The following WWC1 variants were observed in gnomAD, a reference collection of about 807,000 sequenced individuals.
The protein encoded by WWC1 is WW and C2 domain containing 1.
Under a neutral mutation model 138.4 loss-of-function variants are expected in WWC1, and 55 were observed. The ratio of observed to expected loss-of-function variants is 0.40; its 90% confidence interval spans 0.32 to 0.50. WWC1 has a LOEUF of 0.50. Among genes scored for constraint, WWC1 ranks in the 20% least tolerant of loss-of-function variants. The probability of loss-of-function intolerance (pLI) is 0.72; values close to 1 mark genes in which losing one functional copy is unlikely to be tolerated. For missense variants in WWC1, 1,226 were observed against 1,420.4 expected, an observed-to-expected ratio of 0.86 and a Z score of 2.20; for synonymous variants, 524 against 564.9, an observed-to-expected ratio of 0.93 and a Z score of 1.03.
At chr5:168,368,200 C>G (rs1281493762) in intron 1 of WWC1, among the ~76,000 whole-genome samples, 1 of 151,506 alleles carries the variant, frequency 6.6e-6, no homozygotes, top group East Asian at 1.9e-4. Flanking sequence ...AAGTGCTTCT[C>G]CTGCCTCTGC....
At chr5:168,375,565 T>G (rs1777104990) in intron 2 of WWC1, among the ~76,000 whole-genome samples, 1 of 152,048 alleles carries the variant, frequency 6.6e-6, no homozygotes, top group Non-Finnish European at 1.5e-5. Context: ...TTTTTTTTTG[T>G]TTTTTTCTTT....
chr5:168,316,058 C>G (rs935398113), intron 1 of WWC1, among the ~76,000 whole-genome samples: 1 of 152,160 alleles, frequency 6.6e-6, no homozygotes, highest in Non-Finnish European at 1.5e-5. Flanking sequence ...AATGCTCAGG[C>G]CTCCCCCCTC....
chr5:168,418,847 GT>G (rs1312260264), intron 9 of WWC1, among the ~76,000 whole-genome samples: 3 of 149,222 alleles, frequency 2.0e-5, no homozygotes, highest in African/African-American at 7.5e-5. Flanking sequence ...TGTTCATTGT[GT>G]TGAAAGTCAA....
intron 9 of WWC1, among the ~76,000 whole-genome samples, chr5:168,420,161 T>C (rs1405864810): frequency 2.0e-5 from 3 of 152,186 alleles, no homozygotes; most frequent in Non-Finnish European, 2.9e-5. Flanking sequence ...GTGAGTCTAC[T>C]AGGGCTGCCA....
intron 3 of WWC1, among the ~76,000 whole-genome samples, chr5:168,394,121 G>A (rs1173326618): frequency 6.6e-6 from 1 of 152,132 alleles, no homozygotes; most frequent in Non-Finnish European, 1.5e-5. Flanking sequence ...GGGAAGGGAA[G>A]GAAGGGAGGC....
rs1284250274 is a variant in WWC1 at position 168,423,835 on chromosome 5, G to A, written c.1577G>A (p.Gly526Asp). ...CTGCAGGCTCTGCGTTCCCTGTCTG[G>A]CACCCCAAAGTCCATGACCTCCCTA... ...GRLQALRSLS[G>D]TPKSMTSLSP... The change falls in exon 11 of 23, where the codon GGC becomes GAC. Residue 526 changes from glycine (G) to aspartate (D), a missense_variant. Coordinates refer to ENST00000265293, the MANE Select transcript of WWC1 (RefSeq NM_015238.3). 2 of 1,614,080 alleles carry A rather than the reference G, an allele frequency of 1.2e-6. No homozygotes were observed. The highest frequency in any genetic ancestry group is 1.7e-6 in the Non-Finnish European group (2 of 1,180,006).
intron 1 of WWC1, among the ~76,000 whole-genome samples, chr5:168,301,025 G>C (rs1156916155): frequency 3.3e-5 from 5 of 152,186 alleles, no homozygotes; most frequent in Non-Finnish European, 7.3e-5. Flanking sequence ...CTAACAGTGA[G>C]AACAATAACT....
chr5:168,301,619 C>T (rs34718015), intron 1 of WWC1, among the ~76,000 whole-genome samples: 17,309 of 134,658 alleles, frequency 0.13, 1,231 homozygotes, highest in Admixed American at 0.25. Flanking sequence ...GCCTGGGCAA[C>T]AAGAGCAAAA....
chr5:168,294,775 G>A (rs1267937333), intron 1 of WWC1, among the ~76,000 whole-genome samples: 2 of 152,090 alleles, frequency 1.3e-5, no homozygotes, highest in African/African-American at 4.8e-5. Context: ...ACAGGTGCAC[G>A]CCACCACATC....
At chr5:168,391,819 G>T (rs1487727456) in intron 3 of WWC1, among the ~76,000 whole-genome samples, 1 of 137,098 alleles carries the variant, frequency 7.3e-6, no homozygotes, top group Non-Finnish European at 1.5e-5. Flanking sequence ...GGAGAAGAAA[G>T]AACAGCAATA....
rs114682488 is a variant in WWC1, at chr5:168,408,624, G to A, written c.838G>A (p.Val280Met). 3.4e-4 allele frequency: 542 copies of A among 1,614,190 alleles called. 4 individuals are homozygous for A. In the African/African-American group the frequency reaches 6.7e-3, roughly 20 times the overall value. Residue 280 changes from valine to methionine, a missense_variant, in exon 7 of 23, where the codon GTG (valine) becomes ATG (methionine). Physicochemically the swap from Val to Met is conservative, Grantham distance 21. Around this residue, in one of 3 missense-constraint regions of WWC1, gnomAD observed 1,016 missense variants for 1,153.9 expected, o/e 0.88. Transcript: ENST00000265293. ...SFPLPKQYLD[V>M]SSQTDISGSF... ...CCCGCTACCGAAACAGTACCTGGATGTGAGCTCCCAGACAGACATCTCGGG... is the reference window on the plus strand; with the variant it reads ...CCCGCTACCGAAACAGTACCTGGATATGAGCTCCCAGACAGACATCTCGGG...
At chr5:168,352,679 G>C (rs935206883) in intron 1 of WWC1, among the ~76,000 whole-genome samples, 1 of 151,766 alleles carries the variant, frequency 6.6e-6, no homozygotes, top group Non-Finnish European at 1.5e-5. Flanking sequence ...TGCCTCCCAG[G>C]TTCAAGCAAT....
chr5:168,292,311 G>T lies in WWC1; in HGVS notation c.119+40G>T. On this transcript the variant is annotated intron_variant, in intron 1 of 22. Transcript: ENST00000265293. The surrounding 1 kb of genome is among the most constrained non-coding windows in gnomAD (Gnocchi z 4.4). ...CCCTCCTCCGTGCCCCCACACCCCC[G>T]CCTGGGCCCCCACCTGCCCCTGGAG... is the stretch of plus-strand genomic sequence containing the variant. The T allele has an allele frequency of 6.5e-7, 1 of 1,538,218 alleles. No homozygotes were observed. Among genetic ancestry groups the T allele is most frequent in the Non-Finnish European group, 8.8e-7 (1 of 1,141,170 alleles).
At chr5:168,338,417 T>C (rs548523515) in intron 1 of WWC1, among the ~76,000 whole-genome samples, 1 of 138,952 alleles carries the variant, frequency 7.2e-6, no homozygotes, top group East Asian at 2.0e-4. Flanking sequence ...TTTTTTTCTT[T>C]TTTTTTGGGG....
At position 168,411,329 on chromosome 5, in the gene WWC1, TAGACTA is replaced by T. The variant is rs565104228; in HGVS notation, c.941+1337_941+1342del. ...CAGGCACATTGCATCCATTCCTTCC[TAGACTA>T]AGTTGCCTGGCCTGTGGACCTTCTC... On this transcript the variant is annotated intron_variant, in intron 8 of 22. Coordinates refer to ENST00000265293, the MANE Select transcript of WWC1 (RefSeq NM_015238.3). Among the ~76,000 whole-genome samples the T allele has an allele frequency of 4.6e-3, 701 of 152,266 alleles. 4 individuals carry two copies. Among genetic ancestry groups the T allele is most frequent in the Non-Finnish European group, 5.0e-3 (342 of 68,022 alleles).
At chr5:168,414,803 T>TTCAC in intron 9 of WWC1, 1 of 667,134 alleles carries the variant, frequency 1.5e-6, no homozygotes, top group Non-Finnish European at 2.4e-6. Flanking sequence ...GCATGGTGAA[T>TTCAC]CATGCTACCA....
At chr5:168,376,757 A>G (rs561182243) in intron 2 of WWC1, among the ~76,000 whole-genome samples, 2 of 152,356 alleles carry the variant, frequency 1.3e-5, no homozygotes, top group Admixed American at 6.5e-5. Flanking sequence ...GAGAACTACT[A>G]AACACTGCTG....
intron 1 of WWC1, among the ~76,000 whole-genome samples, chr5:168,313,411 C>T (rs577312621): frequency 6.6e-5 from 10 of 151,930 alleles, no homozygotes; most frequent in East Asian, 2.0e-4. Flanking sequence ...GCCAACATGG[C>T]GAAACCCCGT....
chr5:168,395,351 G>T (rs900764230), intron 3 of WWC1, among the ~76,000 whole-genome samples: 3 of 152,140 alleles, frequency 2.0e-5, no homozygotes, highest in Non-Finnish European at 4.4e-5. Context: ...GTCTTCCCAG[G>T]TTATTGCCAC....
Sources: allele counts gnomAD v4.1 joint callset (sites outside exome capture counted in the v4.1 genomes callset), GRCh38; gene constraint gnomAD v4.1.1; regional missense constraint gnomAD v4.1.1; non-coding constraint Gnocchi (gnomAD v3.1); transcripts MANE v1.5; gene names NCBI Gene and HGNC (gene_info 2026-07-23, HGNC 2026-07-21).